CDH12: variants seen among roughly 807,000 people sequenced by gnomAD.
The protein encoded by CDH12 is cadherin 12.
In CDH12, 41 loss-of-function variants were observed where a neutral mutation model predicts 74.1. That is an observed-to-expected ratio of 0.55 (90% CI 0.43 to 0.72). The LOEUF is 0.72. CDH12 is among the 30% of genes least tolerant of loss of function. The pLI is 0.00. For synonymous variants in CDH12, 399 were observed against 355.0 expected (o/e 1.12, Z -1.39); for missense variants, 945 against 977.2 (o/e 0.97, Z 0.44).
At chr5:22,608,737 T>G (rs1301224106) in intron 1 of CDH12, among the ~76,000 whole-genome samples, 1 of 152,138 alleles carries the variant, frequency 6.6e-6, no homozygotes, top group Non-Finnish European at 1.5e-5. Context: ...ATTCTGTGCT[T>G]GTGATAGTGA....
intron 3 of CDH12, among the ~76,000 whole-genome samples, chr5:22,258,577 A>G (rs1162819637): frequency 6.6e-6 from 1 of 151,860 alleles, no homozygotes; most frequent in Non-Finnish European, 1.5e-5. Flanking sequence ...AGGCCTTCAC[A>G]TTCACTCACC....
chr5:22,364,033 G>C (rs892765379), intron 3 of CDH12, among the ~76,000 whole-genome samples: 1 of 152,140 alleles, frequency 6.6e-6, no homozygotes, highest in Admixed American at 6.6e-5. Context: ...GGCTGCCATG[G>C]GGTCTGTAGT....
chr5:21,777,548 A>T (rs1745660827), intron 11 of CDH12, among the ~76,000 whole-genome samples: 1 of 149,280 alleles, frequency 6.7e-6, no homozygotes, highest in African/African-American at 2.5e-5. Flanking sequence ...TTTGAGACAG[A>T]GTCTCACTCT....
chr5:22,740,789 A>G (rs768272757), intron 1 of CDH12, among the ~76,000 whole-genome samples: 6 of 152,128 alleles, frequency 3.9e-5, no homozygotes, highest in African/African-American at 9.6e-5. Context: ...GAATACTTGT[A>G]TACTACCATT....
At chr5:22,643,214 C>A (rs548717184) in intron 1 of CDH12, among the ~76,000 whole-genome samples, 1 of 152,140 alleles carries the variant, frequency 6.6e-6, no homozygotes, top group Non-Finnish European at 1.5e-5. Flanking sequence ...ATCGTTTTCT[C>A]AGCCCATAAG....
chr5:22,779,852 T>C (rs554631436), intron 1 of CDH12, among the ~76,000 whole-genome samples: 4 of 152,328 alleles, frequency 2.6e-5, no homozygotes, highest in South Asian at 4.1e-4. Flanking sequence ...CAGTTCTTTA[T>C]AGCAGTGTGA....
At chr5:22,316,141 G>A (rs575528842) in intron 3 of CDH12, among the ~76,000 whole-genome samples, 71 of 151,744 alleles carry the variant, frequency 4.7e-4, no homozygotes, top group Non-Finnish European at 2.2e-4. Flanking sequence ...AGCCAGAAAC[G>A]AATGACATGA....
At chr5:21,964,219 A>G (rs1341517330) in intron 6 of CDH12, among the ~76,000 whole-genome samples, 1 of 152,088 alleles carries the variant, frequency 6.6e-6, no homozygotes, top group Admixed American at 6.6e-5. Context: ...TCCCCACAGG[A>G]GAAAAATGGC....
intron 5 of CDH12, among the ~76,000 whole-genome samples, chr5:22,066,435 A>C (rs1741569485): frequency 6.6e-6 from 1 of 152,166 alleles, no homozygotes; most frequent in Non-Finnish European, 1.5e-5. Flanking sequence ...GAACTAACAT[A>C]AATTCTGAGA....
chr5:22,201,548 A>T (rs1329328151), intron 4 of CDH12, among the ~76,000 whole-genome samples: 1 of 152,148 alleles, frequency 6.6e-6, no homozygotes, highest in Admixed American at 6.5e-5. Context: ...GTGAGGGAGG[A>T]TAAATAACTT....
chr5:22,823,261 A>G lies in CDH12; in HGVS notation c.-523+29797T>C, dbSNP rs577533734. ...GGTGGGGGGAGGGGGGAGGGATAGC[A>G]TTAGGAGTTACACCTAATGCTAAAT... On this transcript the variant is annotated intron_variant, in intron 1 of 14. Transcript: ENST00000382254. Among the ~76,000 whole-genome samples the G allele has an allele frequency of 2.2e-3, 330 of 151,482 alleles. 3 individuals are homozygous for G. Among genetic ancestry groups the G allele is most frequent in the African/African-American group, 7.9e-3 (325 of 41,214 alleles).
At chr5:21,761,776 T>C (rs188128028) in intron 12 of CDH12, among the ~76,000 whole-genome samples, 1 of 152,118 alleles carries the variant, frequency 6.6e-6, no homozygotes, top group East Asian at 1.9e-4. Flanking sequence ...GATAGATAGA[T>C]AGATAGATGA....
At chr5:22,785,601 C>T (rs1747584454) in intron 1 of CDH12, among the ~76,000 whole-genome samples, 1 of 152,106 alleles carries the variant, frequency 6.6e-6, no homozygotes, top group South Asian at 2.1e-4. Context: ...CTCATTGCAG[C>T]CTTGCCTCCC....
At chr5:22,580,977 G>A (rs58203689) in intron 1 of CDH12, among the ~76,000 whole-genome samples, 2,723 of 152,248 alleles carry the variant, frequency 0.018, 96 homozygotes, top group African/African-American at 0.063. Context: ...CTTGGGTGCT[G>A]TTAAAGGCAT....
chr5:22,043,705 G>GA (rs771576771), intron 5 of CDH12, among the ~76,000 whole-genome samples: 6,180 of 136,482 alleles, frequency 0.045, 139 homozygotes, highest in African/African-American at 0.079. Flanking sequence ...AAAACTCTAT[G>GA]AAAAAAAAAA....
chr5:22,833,986 A>G (rs1180965155), intron 1 of CDH12, among the ~76,000 whole-genome samples: 1 of 152,010 alleles, frequency 6.6e-6, no homozygotes, highest in African/African-American at 2.4e-5. Context: ...CCCTCCATTA[A>G]CTCTGCCCTC....
chr5:22,108,890 C>G (rs1744657619), intron 4 of CDH12, among the ~76,000 whole-genome samples: 1 of 152,064 alleles, frequency 6.6e-6, no homozygotes, highest in Admixed American at 6.5e-5. Flanking sequence ...AAAATGAAAG[C>G]TGTATGTATT....
At chr5:22,588,940 C>A (rs1429661089) in intron 1 of CDH12, among the ~76,000 whole-genome samples, 1 of 152,102 alleles carries the variant, frequency 6.6e-6, no homozygotes, top group Non-Finnish European at 1.5e-5. Flanking sequence ...ATAACCACGC[C>A]ATTATACTAT....
intron 3 of CDH12, among the ~76,000 whole-genome samples, chr5:22,272,513 C>T (rs902480523): frequency 3.3e-5 from 5 of 152,184 alleles, no homozygotes; most frequent in African/African-American, 1.2e-4. Flanking sequence ...AAAACTGATG[C>T]AGGGCCCTAG....
Sources: allele counts gnomAD v4.1 joint callset (sites outside exome capture counted in the v4.1 genomes callset), GRCh38; gene constraint gnomAD v4.1.1; transcripts MANE v1.5; gene names NCBI Gene and HGNC (gene_info 2026-07-23, HGNC 2026-07-21).